Variants in NPHP1 observed in about 807,000 individuals in gnomAD.
The protein encoded by NPHP1 is nephrocystin-1.
A neutral mutation model predicts 90.4 loss-of-function variants in NPHP1; 70 were observed. The observed-to-expected ratio is 0.77, with a 90% CI of 0.64 to 0.95. NPHP1 has a LOEUF of 0.95. NPHP1 is among the 40% of genes least tolerant of loss of function. The probability of loss-of-function intolerance (pLI) is 0.00; values close to 1 mark genes in which losing one functional copy is unlikely to be tolerated. For missense variants in NPHP1, 764 were observed against 795.9 expected (o/e 0.96, Z 0.48); for synonymous variants, 256 against 271.7 (o/e 0.94, Z 0.57).
rs1466634036 is a variant in NPHP1 at position 110,150,194 on chromosome 2, G to T, written c.1146C>A (p.Thr382=). 2 of 1,613,036 alleles carry T rather than the reference G, an allele frequency of 1.2e-6. No individual in the cohort carries two copies. Among genetic ancestry groups the T allele is most frequent in the African/African-American group, 1.3e-5 (1 of 74,900 alleles). The change falls in exon 12 of 20, where the codon ACC becomes ACA. Residue 382 remains threonine, a synonymous_variant. Coordinates refer to ENST00000445609, the MANE Select transcript of NPHP1 (RefSeq NM_001128178.3). ...GCAGATTACTTACCTGGGGAGAAAA[G>T]GTCCATGTTTTGGGCTTTTTAGGTT... ...TWQPKKPKTW[T]FSPQVTRILP...
chr2:110,183,635 C>T (rs768894644), intron 2 of NPHP1, among the ~76,000 whole-genome samples: 4 of 152,064 alleles, frequency 2.6e-5, no homozygotes, highest in Non-Finnish European at 4.4e-5. Flanking sequence ...GAGCTGGTCT[C>T]GGCAACCCAG....
At chr2:110,136,745 C>T (rs76894549) in intron 16 of NPHP1, among the ~76,000 whole-genome samples, 55,764 of 151,810 alleles carry the variant, frequency 0.37, 10,656 homozygotes, top group East Asian at 0.59. Context: ...ATGGCTATAC[C>T]GCCCAAGGTA....
intron 16 of NPHP1, among the ~76,000 whole-genome samples, chr2:110,142,098 T>C (rs1203055613): frequency 1.3e-5 from 2 of 152,036 alleles, no homozygotes; most frequent in Non-Finnish European, 2.9e-5. Context: ...GATGAAGACA[T>C]ATATCCACAT....
chr2:110,168,005 T>C lies in NPHP1; in HGVS notation c.624+447A>G, dbSNP rs1037153433. Among the ~76,000 whole-genome samples, 2 of 152,156 alleles carry C rather than the reference T, an allele frequency of 1.3e-5. 1 individual carries two copies. Among genetic ancestry groups the C allele is most frequent in the African/African-American group, 4.8e-5 (2 of 41,438 alleles). On this transcript the variant is annotated intron_variant, in intron 6 of 19. Transcript: ENST00000445609. Reference sequence around the variant, plus strand: ...TCATAGTTCTACTGGACAGTGCTGATCCAGACAGAAATCTATATATCTTGG... The same window carrying C: ...TCATAGTTCTACTGGACAGTGCTGACCCAGACAGAAATCTATATATCTTGG...
rs1015054291 is a variant in NPHP1 at position 110,123,733 on chromosome 2, G to A, written c.*58C>T. ...TTTTTGGTTCCATCATTTTATTCAC[G>A]TAATCGTGGAGGATCCATCTGATTC... On this transcript the variant is annotated 3_prime_UTR_variant, in exon 20 of 20. Coordinates refer to ENST00000445609, the MANE Select transcript of NPHP1 (RefSeq NM_001128178.3). The A allele has an allele frequency of 3.4e-5, 53 of 1,572,808 alleles. No homozygotes were observed. The highest frequency in any genetic ancestry group is 6.7e-5 in the South Asian group (6 of 90,010).
chr2:110,128,942 A>C (rs1285651675), intron 18 of NPHP1: 1 of 521,898 alleles, frequency 1.9e-6, no homozygotes, highest in African/African-American at 1.9e-5. Context: ...CAAGGAAAAA[A>C]TGGGCAAAGA....
rs117733001 is a variant in NPHP1 at position 110,182,160 on chromosome 2, T to A, written c.144-2476A>T. ...GTATACAGACCAAACCCGTGACTTATTGGGGTACCTAAAAAAGACAGGAAA... is the reference window on the plus strand; with the variant it reads ...GTATACAGACCAAACCCGTGACTTAATGGGGTACCTAAAAAAGACAGGAAA... On this transcript the variant is annotated intron_variant, in intron 2 of 19. Coordinates refer to ENST00000445609, the MANE Select transcript of NPHP1 (RefSeq NM_001128178.3). 3.7e-3 allele frequency among the ~76,000 whole-genome samples: 559 copies of A among 152,148 alleles called. 16 individuals carry two copies. The East Asian group carries it at 0.079, about 21-fold the overall frequency.
Position 110,165,194 on chromosome 2 carries a change from T to C in NPHP1, c.625-39A>G, listed in dbSNP as rs375918905. ...GAAATGTGAAGTGCTTTTTAACTAATGCAAAAAACAACCAATAAAAATACC... is the reference window on the plus strand; with the variant it reads ...GAAATGTGAAGTGCTTTTTAACTAACGCAAAAAACAACCAATAAAAATACC... On this transcript the variant is annotated intron_variant, in intron 6 of 19. Coordinates refer to ENST00000445609, the MANE Select transcript of NPHP1 (RefSeq NM_001128178.3). The C allele has an allele frequency of 8.0e-6, 12 of 1,495,412 alleles. No homozygotes were observed. In the African/African-American group the frequency reaches 1.2e-4, roughly 16 times the overall value. 92.6% of individuals were successfully genotyped at this position (1,495,412 alleles called of 1,614,324 possible). A position where few individuals can be genotyped will look rare whatever the true frequency, so the allele number is the denominator to read the frequency against.
intron 11 of NPHP1, among the ~76,000 whole-genome samples, chr2:110,153,631 C>T (rs946165571): frequency 6.6e-6 from 1 of 152,166 alleles, no homozygotes; most frequent in East Asian, 1.9e-4. Context: ...ACTAAGGAAA[C>T]TAGCCAAAAA....
At chr2:110,189,895 T>C (rs1684578679) in intron 2 of NPHP1, among the ~76,000 whole-genome samples, 1 of 152,036 alleles carries the variant, frequency 6.6e-6, no homozygotes, top group Non-Finnish European at 1.5e-5. Flanking sequence ...TGCTGATTGG[T>C]GTGTTTACAA....
chr2:110,185,166 C>T (rs745909826), intron 2 of NPHP1: 3 of 563,222 alleles, frequency 5.3e-6, no homozygotes, highest in Admixed American at 3.8e-5. Flanking sequence ...GATCTATCCA[C>T]AGGAAAACCT....
At chr2:110,135,701 C>A (rs1392211201) in intron 16 of NPHP1, among the ~76,000 whole-genome samples, 2 of 152,000 alleles carry the variant, frequency 1.3e-5, no homozygotes, top group Non-Finnish European at 2.9e-5. Context: ...AAAAACCTTA[C>A]AAATGATATG....
intron 18 of NPHP1, chr2:110,127,036 GAA>G (rs1679419035): frequency 4.6e-5 from 7 of 152,532 alleles, no homozygotes; most frequent in African/African-American, 1.7e-4. Flanking sequence ...GGAACAAAAA[GAA>G]GACTATACCT....
chr2:110,201,532 C>T, intron 1 of NPHP1, 38 bp from the exon 2 acceptor site: 1 of 1,394,332 alleles, frequency 7.2e-7, no homozygotes, highest in Non-Finnish European at 1.0e-6. Context: ...TATTAAATAC[C>T]ATATCGCCTT....
intron 2 of NPHP1, among the ~76,000 whole-genome samples, chr2:110,188,204 T>C (rs773279154): frequency 6.6e-6 from 1 of 152,128 alleles, no homozygotes; most frequent in Non-Finnish European, 1.5e-5. Context: ...AGTATTCAAA[T>C]AGGAAGAGAG....
chr2:110,165,017 T>C (rs1682619023), intron 7 of NPHP1, 35 bp downstream of exon 7: 2 of 1,499,750 alleles, frequency 1.3e-6, no homozygotes, highest in Non-Finnish European at 9.3e-7. Flanking sequence ...AAATGTTTCC[T>C]AAACCTACTT....
intron 18 of NPHP1, chr2:110,126,805 C>T (rs969430161): frequency 6.6e-6 from 1 of 152,612 alleles, no homozygotes; most frequent in Non-Finnish European, 1.5e-5. Context: ...TTCTCTTGCA[C>T]CAACCTAATA....
chr2:110,145,230 T>A (rs555260267), intron 14 of NPHP1, among the ~76,000 whole-genome samples: 22 of 152,202 alleles, frequency 1.4e-4, no homozygotes, highest in Non-Finnish European at 3.1e-4. Flanking sequence ...CCTTTAATTG[T>A]AATGCACCAC....
Position 110,150,271 on chromosome 2 carries a change from T to TC in NPHP1, c.1084-16dup, listed in dbSNP as rs1231969570. 6.2e-7 allele frequency: 1 copy of TC among 1,612,906 alleles called. No individual in the cohort carries two copies. The highest frequency in any genetic ancestry group is 1.3e-5 in the African/African-American group (1 of 75,026). On this transcript the variant is annotated splice_polypyrimidine_tract_variant and intron_variant, in intron 11 of 19. Coordinates refer to ENST00000445609, the MANE Select transcript of NPHP1 (RefSeq NM_001128178.3). ...TTGCTCAGAACCTGAAATGAGATTT[T>TC]CCCTTTTGAAATCATGTAAAAAGCT...
Sources: allele counts gnomAD v4.1 joint callset (sites outside exome capture counted in the v4.1 genomes callset), GRCh38; gene constraint gnomAD v4.1.1; transcripts MANE v1.5; gene names NCBI Gene and HGNC (gene_info 2026-07-23, HGNC 2026-07-21).